The following DRD3 variants were observed in gnomAD, a reference collection of about 807,000 sequenced individuals.
DRD3 encodes D(3) dopamine receptor.
Under a neutral mutation model 36.3 loss-of-function variants are expected in DRD3, and 19 were observed. The observed-to-expected ratio is 0.52, with a 90% CI of 0.36 to 0.77. The LOEUF is 0.77. Among genes scored for constraint, DRD3 ranks in the 30% least tolerant of loss-of-function variants. The pLI is 0.00. For synonymous variants in DRD3, 195 were observed against 203.7 expected (o/e 0.96, Z 0.36); for missense variants, 465 against 505.3 (o/e 0.92, Z 0.77).
chr3:114,146,387 T>C (rs1012373595), intron 4 of DRD3, among the ~76,000 whole-genome samples: 1 of 152,196 alleles, frequency 6.6e-6, no homozygotes, highest in Non-Finnish European at 1.5e-5. Flanking sequence ...CCCATCATGT[T>C]ACTATGTGGT....
At chr3:114,143,645 C>T (rs913863327) in intron 4 of DRD3, among the ~76,000 whole-genome samples, 1 of 152,118 alleles carries the variant, frequency 6.6e-6, no homozygotes, top group African/African-American at 2.4e-5. Flanking sequence ...TAATTTTGTG[C>T]TTCTACTATT....
chr3:114,149,678 C>T (rs535880967), intron 3 of DRD3, among the ~76,000 whole-genome samples: 2 of 152,296 alleles, frequency 1.3e-5, no homozygotes, highest in East Asian at 3.9e-4. Context: ...ATTAGGTGAG[C>T]CCTTAAAGGG....
intron 2 of DRD3, among the ~76,000 whole-genome samples, chr3:114,165,556 C>T (rs540904777): frequency 1.3e-5 from 2 of 152,278 alleles, no homozygotes; most frequent in East Asian, 3.9e-4. Context: ...TTCTAAATTT[C>T]ATCTCAGGGA....
chr3:114,131,439 G>C (rs1025519858), intron 5 of DRD3, 39 bp from the exon 6 acceptor site: 1 of 1,585,238 alleles, frequency 6.3e-7, no homozygotes, highest in Admixed American at 1.8e-5. Context: ...CATTTCTGGG[G>C]GTATTGTTTA....
chr3:114,175,051 T>C (rs2077884558), intron 1 of DRD3, among the ~76,000 whole-genome samples: 1 of 152,166 alleles, frequency 6.6e-6, no homozygotes, highest in East Asian at 1.9e-4. Flanking sequence ...AATAATTCTT[T>C]GTTGAGGAGG....
chr3:114,156,867 TTC>T (rs1161464380), intron 3 of DRD3, among the ~76,000 whole-genome samples: 2 of 19,702 alleles, frequency 1.0e-4, no homozygotes, highest in African/African-American at 2.6e-4. Context: ...CTTCCTTTCT[TTC>T]TTTTTCTTTC....
chr3:114,172,092 AT>A (rs945044974), intron 1 of DRD3, 65 bp from the exon 2 acceptor site: 7 of 1,230,758 alleles, frequency 5.7e-6, no homozygotes, highest in Non-Finnish European at 7.4e-6. Context: ...GCTTAGTTAC[AT>A]TTTTTTATTT....
At chr3:114,174,918 T>C (rs939204890) in intron 1 of DRD3, among the ~76,000 whole-genome samples, 1 of 152,150 alleles carries the variant, frequency 6.6e-6, no homozygotes, top group African/African-American at 2.4e-5. Flanking sequence ...CTAAGTAATT[T>C]ACAATGATAG....
intron 5 of DRD3, among the ~76,000 whole-genome samples, chr3:114,134,010 T>C (rs970247130): frequency 1.3e-5 from 2 of 152,206 alleles, no homozygotes; most frequent in Non-Finnish European, 2.9e-5. Flanking sequence ...CTAACTAGAT[T>C]ATTTCTTAGG....
At chr3:114,151,029 G>A (rs1030470301) in intron 3 of DRD3, among the ~76,000 whole-genome samples, 5 of 152,178 alleles carry the variant, frequency 3.3e-5, no homozygotes, top group African/African-American at 1.2e-4. Flanking sequence ...TTAAGATCCT[G>A]CTACCCACTT....
chr3:114,171,394 C>T (rs543310153), intron 2 of DRD3, among the ~76,000 whole-genome samples: 1 of 152,270 alleles, frequency 6.6e-6, no homozygotes, highest in African/African-American at 2.4e-5. Flanking sequence ...CTGCTTCACC[C>T]AGCCCACCAT....
At chr3:114,167,050 A>T (rs2077792675) in intron 2 of DRD3, among the ~76,000 whole-genome samples, 1 of 152,184 alleles carries the variant, frequency 6.6e-6, no homozygotes, top group East Asian at 1.9e-4. Flanking sequence ...ATATCATTAC[A>T]AAACTCAAAG....
rs78708812 is a variant in DRD3 at position 114,193,718 on chromosome 3, T to C, written c.-156+5555A>G. Reference sequence around the variant, plus strand: ...CTTCTTAGGGATTTTGTGCATTTAATAATGGGACTTAGATTCCTTCCTACA... The same window carrying C: ...CTTCTTAGGGATTTTGTGCATTTAACAATGGGACTTAGATTCCTTCCTACA... On this transcript the variant is annotated intron_variant, in intron 1 of 7. Transcript: ENST00000460779. Among the ~76,000 whole-genome samples, 430 of 152,340 alleles carry C rather than the reference T, an allele frequency of 2.8e-3. 6 individuals carry two copies. In the East Asian group the frequency reaches 0.052, roughly 19 times the overall value.
At chr3:114,132,669 G>A (rs890117369) in intron 5 of DRD3, among the ~76,000 whole-genome samples, 1 of 151,722 alleles carries the variant, frequency 6.6e-6, no homozygotes, top group East Asian at 1.9e-4. Flanking sequence ...GCCTTTTTGA[G>A]TTAGAATGAC....
chr3:114,151,595 G>C lies in DRD3; in HGVS notation c.384-4038C>G, dbSNP rs1344085593. 2.6e-5 allele frequency among the ~76,000 whole-genome samples: 4 copies of C among 152,190 alleles called. 1 individual carries two copies. The highest frequency in any genetic ancestry group is 5.9e-5 in the Non-Finnish European group (4 of 68,032). ...TAAGCCGGCTTCAGCAGACCACTGA[G>C]AGTTATATACTTTCCTAAATATGCT... On this transcript the variant is annotated intron_variant, in intron 3 of 6. Transcript: ENST00000383673.
intron 1 of DRD3, among the ~76,000 whole-genome samples, chr3:114,194,921 G>A (rs994569609): frequency 1.3e-5 from 2 of 151,692 alleles, no homozygotes; most frequent in Admixed American, 1.3e-4. Flanking sequence ...GCTTTTCTTA[G>A]TCATCAACAG....
At chr3:114,160,609 A>G (rs1559993149) in intron 2 of DRD3, among the ~76,000 whole-genome samples, 2 of 152,204 alleles carry the variant, frequency 1.3e-5, no homozygotes, top group African/African-American at 4.8e-5. Flanking sequence ...GAAGTCCTTC[A>G]CCCAGTAGAG....
intron 5 of DRD3, among the ~76,000 whole-genome samples, chr3:114,137,186 T>C (rs535077238): frequency 1.3e-5 from 2 of 152,322 alleles, no homozygotes; most frequent in South Asian, 2.1e-4. Context: ...TAAGCCAGTA[T>C]TGTGGGAAAA....
chr3:114,190,767 C>T (rs2107904989), intron 1 of DRD3, among the ~76,000 whole-genome samples: 1 of 151,982 alleles, frequency 6.6e-6, no homozygotes, highest in Non-Finnish European at 1.5e-5. Context: ...GTAGAACATG[C>T]ACATCTGCCT....
Sources: gnomAD v4.1 joint callset for allele counts (sites outside exome capture counted in the v4.1 genomes callset) on GRCh38, gnomAD v4.1.1 for gene constraint, MANE v1.5 for transcripts, NCBI Gene and HGNC (gene_info 2026-07-23, HGNC 2026-07-21) for gene names.